The following TENM3 variants were observed in gnomAD, a reference collection of about 807,000 sequenced individuals.
TENM3 encodes the protein teneurin transmembrane protein 3, also known as teneurin-3.
Under a neutral mutation model 255.1 loss-of-function variants are expected in TENM3, and 63 were observed. That is an observed-to-expected ratio of 0.25 (90% CI 0.20 to 0.30). The LOEUF (loss-of-function observed/expected upper bound fraction) is 0.30, where lower values mean the gene tolerates loss of function less well. Ranked by LOEUF, TENM3 falls within the 10% of genes least tolerant of loss-of-function variation. TENM3 has a pLI of 1.00. For synonymous variants in TENM3, 1,306 were observed against 1,322.3 expected, an observed-to-expected ratio of 0.99 and a Z score of 0.27; for missense variants, 2,929 against 3,461.1, an observed-to-expected ratio of 0.85 and a Z score of 3.86.
intron 3 of TENM3, among the ~76,000 whole-genome samples, chr4:182,391,831 T>C (rs1768447029): frequency 6.6e-6 from 1 of 152,188 alleles, no homozygotes; most frequent in Non-Finnish European, 1.5e-5. Context: ...TTTCTGAACT[T>C]ATCCTTTTAT....
the TENM3 span, among the ~76,000 whole-genome samples, chr4:181,492,874 G>A: frequency 2.0e-5 from 3 of 152,088 alleles, no homozygotes; most frequent in Non-Finnish European, 4.4e-5. Flanking sequence ...CATATATCAA[G>A]ATAACCTCTT....
At chr4:182,076,895 GCA>G in the TENM3 span, among the ~76,000 whole-genome samples, 1 of 152,154 alleles carries the variant, frequency 6.6e-6, no homozygotes, top group Non-Finnish European at 1.5e-5. Context: ...GGCCTGGAAA[GCA>G]CAGTTTGCCA....
At chr4:182,250,123 G>T (rs1232989599) in intron 1 of TENM3, among the ~76,000 whole-genome samples, 1 of 150,170 alleles carries the variant, frequency 6.7e-6, no homozygotes, top group Non-Finnish European at 1.5e-5. Context: ...TGCGATCTGG[G>T]CTCACTGCAA....
chr4:182,625,079 A>G (rs1581141229), intron 4 of TENM3, among the ~76,000 whole-genome samples: 1 of 152,170 alleles, frequency 6.6e-6, no homozygotes, highest in South Asian at 2.1e-4. Context: ...ACAACAATAC[A>G]GTGCTTAGTA....
At position 182,800,429 on chromosome 4, in the gene TENM3, C is replaced by T; in HGVS notation, c.*78C>T. The T allele has an allele frequency of 1.0e-5, 15 of 1,439,978 alleles. No individual in the cohort carries two copies. Among genetic ancestry groups the T allele is most frequent in the Non-Finnish European group, 1.3e-5 (14 of 1,093,208 alleles). The allele number at this position is 1,439,978 out of a possible 1,614,324, so 89.2% of individuals were successfully genotyped here. On this transcript the variant is annotated 3_prime_UTR_variant, in exon 28 of 28. Transcript: ENST00000511685. ...GCACAACCCGAGTGGGACTCTCCAA[C>T]GCCCAAGAGCCTTCCTCCCGGGGGA... is the stretch of plus-strand genomic sequence containing the variant.
the TENM3 span, among the ~76,000 whole-genome samples, chr4:181,803,260 T>C: frequency 1.3e-5 from 2 of 152,116 alleles, no homozygotes; most frequent in Non-Finnish European, 2.9e-5. Context: ...TCCAAACAAT[T>C]ACAAACAAAG....
At chr4:182,712,161 AAAAG>A (rs1461721409) in intron 12 of TENM3, among the ~76,000 whole-genome samples, 3 of 152,212 alleles carry the variant, frequency 2.0e-5, no homozygotes, top group Admixed American at 2.0e-4. Context: ...GTCTATTAAA[AAAAG>A]AACTGATAAC....
intron 3 of TENM3, among the ~76,000 whole-genome samples, chr4:182,539,693 C>T (rs1441769410): frequency 1.3e-5 from 2 of 152,162 alleles, no homozygotes; most frequent in African/African-American, 2.4e-5. Context: ...TAACTTCATT[C>T]CTTCATTCAG....
chr4:181,914,902 C>A, the TENM3 span, among the ~76,000 whole-genome samples: 1 of 152,116 alleles, frequency 6.6e-6, no homozygotes, highest in African/African-American at 2.4e-5. Context: ...GGGATAGGTT[C>A]TTTATGTATC....
chr4:182,652,207 TA>T lies in TENM3; in HGVS notation c.989-1563del, dbSNP rs1182150817. Among the ~76,000 whole-genome samples, 3 of 152,320 alleles carry T rather than the reference TA, an allele frequency of 2.0e-5. No homozygotes were observed. In the East Asian group the frequency reaches 5.8e-4, roughly 29 times the overall value. The stretch of plus-strand genomic sequence containing the variant: ...GGCACTGTATCCTTATACAAAGTTA[TA>T]TGTCTTATAAATGAGATACGAAAGT... On this transcript the variant is annotated intron_variant, in intron 5 of 27. Coordinates refer to ENST00000511685, the MANE Select transcript of TENM3 (RefSeq NM_001080477.4).
In TENM3 at chr4:182,754,553, C is replaced by T. The variant is rs1360033585; in HGVS notation, c.4186C>T (p.His1396Tyr). The change falls in exon 22 of 28, where the codon CAC (histidine) becomes TAC (tyrosine). Residue 1396 changes from histidine (H) to tyrosine (Y), a missense_variant. His to Tyr is a moderately conservative substitution (Grantham distance 83). Transcript: ENST00000511685. The surrounding 1 kb of genome is among the most constrained non-coding windows in gnomAD (Gnocchi z 5.1). ...VPGVEYPVGKHAVQTTLESAT... is the reference protein window; with the variant it reads ...VPGVEYPVGKYAVQTTLESAT... ...CGGAGTGGAATATCCTGTGGGGAAG[C>T]ACGCGGTGCAGACAACACTGGAATC... The T allele has an allele frequency of 3.1e-6, 5 of 1,613,962 alleles. No homozygotes were observed. Among genetic ancestry groups the T allele is most frequent in the Non-Finnish European group, 3.4e-6 (4 of 1,179,854 alleles).
At chr4:182,462,068 CTTT>C (rs34287537) in intron 3 of TENM3, among the ~76,000 whole-genome samples, 41,664 of 146,812 alleles carry the variant, frequency 0.28, 6,864 homozygotes, top group East Asian at 0.5. Flanking sequence ...CTCCTCTGAG[CTTT>C]TTTTTTTTTT....
the TENM3 span, among the ~76,000 whole-genome samples, chr4:181,587,579 G>C: frequency 6.6e-6 from 1 of 152,200 alleles, no homozygotes; most frequent in Non-Finnish European, 1.5e-5. Context: ...GGGCAAAGAA[G>C]TTGAGTGATG....
At chr4:181,571,822 T>G in the TENM3 span, among the ~76,000 whole-genome samples, 1 of 152,182 alleles carries the variant, frequency 6.6e-6, no homozygotes, top group Non-Finnish European at 1.5e-5. Flanking sequence ...CCATCCTTTA[T>G]AGTGTATGAA....
At chr4:182,504,900 A>T (rs753645103) in intron 3 of TENM3, among the ~76,000 whole-genome samples, 1 of 152,226 alleles carries the variant, frequency 6.6e-6, no homozygotes, top group Non-Finnish European at 1.5e-5. Flanking sequence ...AGGTCATAAT[A>T]CAACAGATAC....
chr4:182,320,830 C>T (rs547715735), intron 1 of TENM3, among the ~76,000 whole-genome samples: 14 of 152,188 alleles, frequency 9.2e-5, no homozygotes, highest in African/African-American at 2.9e-4. Flanking sequence ...GTGGTGGATC[C>T]GATTTGGCTG....
intron 1 of TENM3, among the ~76,000 whole-genome samples, chr4:182,255,491 AT>A (rs1212248924): frequency 6.6e-6 from 1 of 152,182 alleles, no homozygotes; most frequent in Non-Finnish European, 1.5e-5. Flanking sequence ...ATTATGGTAT[AT>A]TATGCTTTTC....
intron 1 of TENM3, among the ~76,000 whole-genome samples, chr4:182,238,375 G>A (rs1757020964): frequency 6.6e-6 from 1 of 152,172 alleles, no homozygotes; most frequent in South Asian, 2.1e-4. Flanking sequence ...TGACCAGAAC[G>A]TTTTCCCCCA....
chr4:181,815,620 T>G, the TENM3 span, among the ~76,000 whole-genome samples: 2 of 152,124 alleles, frequency 1.3e-5, no homozygotes, highest in Admixed American at 1.3e-4. Flanking sequence ...TTTGAAAGTC[T>G]TGATGGTGCT....
Sources: allele counts gnomAD v4.1 joint callset (sites outside exome capture counted in the v4.1 genomes callset), GRCh38; gene constraint gnomAD v4.1.1; non-coding constraint Gnocchi (gnomAD v3.1); transcripts MANE v1.5; gene names NCBI Gene and HGNC (gene_info 2026-07-23, HGNC 2026-07-21).